Variants in ADAM22 observed in about 807,000 individuals in gnomAD.
The protein encoded by ADAM22 is ADAM metallopeptidase domain 22, also known as disintegrin and metalloproteinase domain-containing protein 22.
Under a neutral mutation model 144.6 loss-of-function variants are expected in ADAM22, and 65 were observed. That is an observed-to-expected ratio of 0.45 (90% CI 0.37 to 0.55). The LOEUF (loss-of-function observed/expected upper bound fraction) is 0.55. Ranked by LOEUF, ADAM22 falls within the 20% of genes least tolerant of loss-of-function variation. The probability of loss-of-function intolerance (pLI) is 0.00; values close to 1 mark genes in which losing one functional copy is unlikely to be tolerated. For synonymous variants in ADAM22, 391 were observed against 412.6 expected (o/e 0.95, Z 0.63); for missense variants, 974 against 1,184.9 (o/e 0.82, Z 2.61).
In ADAM22 at chr7:87,958,666, G is replaced by C. The variant is rs145479015; in HGVS notation, c.247-19670G>C. On this transcript the variant is annotated intron_variant, in intron 2 of 31. Coordinates refer to ENST00000413139, the MANE Select transcript of ADAM22 (RefSeq NM_001324418.2). Reference sequence around the variant, plus strand: ...CCCAAAGTGCTGGGATTACAGGGGTGAACCACCGTGCCCGGCCGACTTTAA... The same window carrying C: ...CCCAAAGTGCTGGGATTACAGGGGTCAACCACCGTGCCCGGCCGACTTTAA... Among the ~76,000 whole-genome samples the C allele has an allele frequency of 6.1e-3, 928 of 152,244 alleles. 7 individuals are homozygous for C. The highest frequency in any genetic ancestry group is 9.9e-3 in the Non-Finnish European group (676 of 68,016).
chr7:88,176,610 A>G (rs771698406), intron 26 of ADAM22, among the ~76,000 whole-genome samples: 1 of 152,214 alleles, frequency 6.6e-6, no homozygotes, highest in Non-Finnish European at 1.5e-5. Context: ...AACATAGTCC[A>G]TCTACATCCT....
chr7:88,010,870 G>A (rs904373257), intron 3 of ADAM22, among the ~76,000 whole-genome samples: 56 of 152,246 alleles, frequency 3.7e-4, no homozygotes, highest in African/African-American at 1.3e-3. Flanking sequence ...TACTGTGTGG[G>A]GTGCCACTCC....
intron 11 of ADAM22, chr7:88,132,543 T>A (rs1832067113): frequency 4.7e-6 from 1 of 213,226 alleles, no homozygotes; most frequent in Non-Finnish European, 9.6e-6. Context: ...ATTATGGGAA[T>A]GCCTGATGTT....
chr7:87,968,390 A>G (rs1310164408), intron 2 of ADAM22, among the ~76,000 whole-genome samples: 1 of 152,114 alleles, frequency 6.6e-6, no homozygotes, highest in Non-Finnish European at 1.5e-5. Context: ...TTCCCAAGGT[A>G]GTCTGGGTGT....
intron 8 of ADAM22, among the ~76,000 whole-genome samples, chr7:88,126,422 A>G (rs1405697259): frequency 6.6e-6 from 1 of 152,046 alleles, no homozygotes; most frequent in Non-Finnish European, 1.5e-5. Flanking sequence ...TGAAGGAACC[A>G]GGTATCTTCT....
At chr7:88,030,653 G>A (rs958043404) in intron 3 of ADAM22, among the ~76,000 whole-genome samples, 1 of 152,080 alleles carries the variant, frequency 6.6e-6, no homozygotes, top group African/African-American at 2.4e-5. Context: ...GGTCTCATGA[G>A]ATCTCGTTGT....
chr7:87,985,939 A>G (rs1788369722), intron 3 of ADAM22, among the ~76,000 whole-genome samples: 1 of 152,100 alleles, frequency 6.6e-6, no homozygotes, highest in African/African-American at 2.4e-5. Flanking sequence ...CTGTTTTTCT[A>G]TAAATTCTAT....
chr7:88,109,287 A>G (rs537709261), intron 5 of ADAM22, among the ~76,000 whole-genome samples: 1 of 152,186 alleles, frequency 6.6e-6, no homozygotes. Flanking sequence ...TTCTCTATCA[A>G]ATAATGTTTG....
At chr7:88,082,348 A>G (rs1446428647) in intron 4 of ADAM22, among the ~76,000 whole-genome samples, 1 of 152,244 alleles carries the variant, frequency 6.6e-6, no homozygotes, top group Non-Finnish European at 1.5e-5. Flanking sequence ...AAGATGGATT[A>G]AAGACTTAAA....
At chr7:87,943,915 A>AT (rs919858234) in intron 2 of ADAM22, among the ~76,000 whole-genome samples, 3 of 151,772 alleles carry the variant, frequency 2.0e-5, no homozygotes, top group African/African-American at 7.3e-5. Flanking sequence ...CTTTTGTTGC[A>AT]TTTTTTGTCT....
intron 3 of ADAM22, among the ~76,000 whole-genome samples, chr7:88,005,995 G>A (rs1322673499): frequency 6.6e-6 from 1 of 152,008 alleles, no homozygotes; most frequent in African/African-American, 2.4e-5. Context: ...TTTATATGCT[G>A]TGGCTGCATA....
rs916690293 is a variant in ADAM22, at chr7:88,189,592, T to C, written c.2750+2891T>C. 4.6e-5 allele frequency among the ~76,000 whole-genome samples: 7 copies of C among 152,184 alleles called. No homozygotes were observed. In the East Asian group the frequency reaches 5.8e-4, roughly 13 times the overall value. On this transcript the variant is annotated intron_variant, in intron 30 of 31. Coordinates refer to ENST00000413139, the MANE Select transcript of ADAM22 (RefSeq NM_001324418.2). ...CTGTACCTTTTCCATTTCACCTTAA[T>C]TAAAAGTAGCAGAGTGGATACTGAT...
At chr7:88,059,924 T>C (rs1171812420) in intron 3 of ADAM22, among the ~76,000 whole-genome samples, 2 of 152,118 alleles carry the variant, frequency 1.3e-5, no homozygotes, top group African/African-American at 2.4e-5. Context: ...CTATATTTAC[T>C]ATTTGGTTGA....
At chr7:88,024,763 C>T (rs1798619315) in intron 3 of ADAM22, among the ~76,000 whole-genome samples, 1 of 145,646 alleles carries the variant, frequency 6.9e-6, no homozygotes, top group Non-Finnish European at 1.5e-5. Context: ...CATGTGTTCT[C>T]ATTGTTCAAT....
At chr7:88,039,464 A>AAAAAAAAAAAAAATATAT in intron 3 of ADAM22, among the ~76,000 whole-genome samples, 4 of 76,378 alleles carry the variant, frequency 5.2e-5, no homozygotes, top group East Asian at 1.1e-3. Context: ...AAAAAAAAAA[A>AAAAAAAAAAAAAATATAT]ATATATATAT....
chr7:88,051,610 T>A (rs909594227), intron 3 of ADAM22, among the ~76,000 whole-genome samples: 3 of 151,976 alleles, frequency 2.0e-5, no homozygotes, highest in Admixed American at 6.6e-5. Flanking sequence ...AAATGACGAG[T>A]TAGTGGGTGC....
At chr7:88,069,150 C>T (rs988280636) in intron 3 of ADAM22, among the ~76,000 whole-genome samples, 4 of 151,704 alleles carry the variant, frequency 2.6e-5, no homozygotes, top group African/African-American at 9.7e-5. Flanking sequence ...ACCTTCCCTC[C>T]CTCTTCCTCC....
chr7:88,026,187 G>C (rs1297874208), intron 3 of ADAM22, among the ~76,000 whole-genome samples: 1 of 152,164 alleles, frequency 6.6e-6, no homozygotes, highest in Non-Finnish European at 1.5e-5. Flanking sequence ...ATAAAGAAAA[G>C]AGGGTTCATT....
chr7:88,002,826 TG>T (rs1231842999), intron 3 of ADAM22, among the ~76,000 whole-genome samples: 2 of 152,196 alleles, frequency 1.3e-5, no homozygotes, highest in African/African-American at 4.8e-5. Context: ...ACTTCCTCCT[TG>T]ATCCTGACCC....
Sources: gnomAD v4.1 joint callset for allele counts (sites outside exome capture counted in the v4.1 genomes callset) on GRCh38, gnomAD v4.1.1 for gene constraint, MANE v1.5 for transcripts, NCBI Gene and HGNC (gene_info 2026-07-23, HGNC 2026-07-21) for gene names.